Variants in TMEM131L observed in about 807,000 individuals in gnomAD.
TMEM131L encodes transmembrane 131 like, also known as transmembrane protein 131-like.
TMEM131L carries 54 observed loss-of-function variants against 192.2 expected under a neutral mutation model. That is an observed-to-expected ratio of 0.28 (90% confidence interval 0.23 to 0.35). The LOEUF (loss-of-function observed/expected upper bound fraction) is 0.35, where lower values mean the gene tolerates loss of function less well. Among genes scored for constraint, TMEM131L ranks in the 10% least tolerant of loss-of-function variants. The pLI, the probability that TMEM131L is intolerant of heterozygous loss-of-function variation, is 1.00. For missense variants in TMEM131L, 1,888 were observed against 1,972.9 expected (o/e 0.96, Z 0.82); for synonymous variants, 701 against 704.9 (o/e 0.99, Z 0.09).
chr4:153,495,740 G>C (rs1192074130), intron 3 of TMEM131L, among the ~76,000 whole-genome samples: 1 of 152,182 alleles, frequency 6.6e-6, no homozygotes, highest in Non-Finnish European at 1.5e-5. Context: ...TAAAGATCTT[G>C]AGGCCTACAA....
At chr4:153,582,357 A>C in intron 9 of TMEM131L, among the ~76,000 whole-genome samples, 1 of 145,274 alleles carries the variant, frequency 6.9e-6, no homozygotes, top group East Asian at 2.0e-4. Context: ...CGATCCTGCC[A>C]CCTTGGCCTC....
chr4:153,566,512 AGTGTGAGT>A (rs1004751552), intron 7 of TMEM131L, among the ~76,000 whole-genome samples: 4 of 113,490 alleles, frequency 3.5e-5, no homozygotes, highest in African/African-American at 7.7e-5. Flanking sequence ...TTTGTGTGTG[AGTGTGAGT>A]GTGTGTGTGT....
chr4:153,511,528 CTTAG>C lies in TMEM131L; in HGVS notation c.239+37642_239+37645del, dbSNP rs764004772. Among the ~76,000 whole-genome samples the C allele has an allele frequency of 2.6e-5, 4 of 152,122 alleles. No individual in the cohort carries two copies. In the South Asian group the frequency reaches 6.2e-4, roughly 24 times the overall value. On this transcript the variant is annotated intron_variant, in intron 3 of 34. Transcript: ENST00000409959. ...TCAGGAAAAATAACTGAGTACTAAG[CTTAG>C]TAGCTGGGTGATGAAATAATCTGTA...
intron 31 of TMEM131L, among the ~76,000 whole-genome samples, chr4:153,631,488 G>A (rs535202430): frequency 6.7e-4 from 102 of 152,302 alleles, no homozygotes; most frequent in African/African-American, 2.4e-3. Context: ...GCCACACACA[G>A]TGGGTTGTGC....
rs1165154305 is a variant in TMEM131L, at chr4:153,556,023, C to T, written c.432+113C>T. The T allele has an allele frequency of 2.4e-5, 25 of 1,031,260 alleles. No individual in the cohort carries two copies. In the East Asian group the frequency reaches 7.3e-4, roughly 30 times the overall value. The allele number at this position is 1,031,260 out of a possible 1,614,324, so 63.9% of individuals were successfully genotyped here. The stretch of plus-strand genomic sequence containing the variant: ...TCCCTGTCTCCCGCTTTTTCTGGTA[C>T]CCAAACCTTTTCCTTCTGTGTGTTT... On this transcript the variant is annotated intron_variant, in intron 5 of 34. Transcript: ENST00000409959.
chr4:153,524,958 A>G (rs1157254596), intron 3 of TMEM131L, among the ~76,000 whole-genome samples: 6 of 152,196 alleles, frequency 3.9e-5, no homozygotes, highest in Non-Finnish European at 5.9e-5. Flanking sequence ...TGTGGGTTCT[A>G]GGAATGTTCC....
chr4:153,585,998 A>G (rs1730674623), intron 13 of TMEM131L, among the ~76,000 whole-genome samples: 2 of 152,186 alleles, frequency 1.3e-5, no homozygotes, highest in South Asian at 2.1e-4. Flanking sequence ...TGAAATTTCA[A>G]GATTACTTTT....
At chr4:153,554,595 A>G (rs1287154020) in intron 4 of TMEM131L, among the ~76,000 whole-genome samples, 1 of 152,236 alleles carries the variant, frequency 6.6e-6, no homozygotes, top group African/African-American at 2.4e-5. Context: ...GAATTCATTC[A>G]TTATGCTGAT....
chr4:153,537,813 T>C (rs1293576421), intron 3 of TMEM131L, among the ~76,000 whole-genome samples: 1 of 152,110 alleles, frequency 6.6e-6, no homozygotes, highest in East Asian at 1.9e-4. Flanking sequence ...TAAGATGGAG[T>C]TGCTCTGGTT....
rs141738846 is a variant in TMEM131L at position 153,608,883 on chromosome 4, A to G, written c.3419-3369A>G. On this transcript the variant is annotated intron_variant, in intron 25 of 34. Coordinates refer to ENST00000409959, the MANE Select transcript of TMEM131L (RefSeq NM_001131007.2). ...GAATTACTGACCTATAAAGCTGTACATACTTAATGTATGCATCTTGATGAG... is the reference window on the plus strand; with the variant it reads ...GAATTACTGACCTATAAAGCTGTACGTACTTAATGTATGCATCTTGATGAG... Among the ~76,000 whole-genome samples, 53 of 152,310 alleles carry G rather than the reference A, an allele frequency of 3.5e-4. No homozygotes were observed. In the South Asian group the frequency reaches 3.7e-3, roughly 11 times the overall value.
chr4:153,599,057 G>A (rs547459603), intron 21 of TMEM131L, among the ~76,000 whole-genome samples: 11 of 152,162 alleles, frequency 7.2e-5, no homozygotes, highest in African/African-American at 2.7e-4. Flanking sequence ...ATGAACAAGA[G>A]TTTTAATTGG....
intron 3 of TMEM131L, among the ~76,000 whole-genome samples, chr4:153,499,099 C>T (rs1733400322): frequency 6.6e-6 from 1 of 152,208 alleles, no homozygotes; most frequent in Admixed American, 6.5e-5. Flanking sequence ...GTGGCTCATC[C>T]TAGGCACAAC....
chr4:153,556,952 G>GAAAGGTCCC lies in TMEM131L; in HGVS notation c.433-13_433-12insAAGGTCCCA. On this transcript the variant is annotated splice_polypyrimidine_tract_variant and intron_variant, in intron 5 of 34. Transcript: ENST00000409959. ...AGGCCATTCCAAGTGGCTGACTGGGGACCTTTCTTTCAGGTAATTCCAGCA... is the reference window on the plus strand; with the variant it reads ...AGGCCATTCCAAGTGGCTGACTGGGGAAAGGTCCCACCTTTCTTTCAGGTAATTCCAGCA... 7.6e-7 allele frequency: 1 copy of GAAAGGTCCC among 1,313,168 alleles called. No individual in the cohort carries two copies. Among genetic ancestry groups the GAAAGGTCCC allele is most frequent in the South Asian group, 1.2e-5 (1 of 81,764 alleles). The allele number at this position is 1,313,168 out of a possible 1,614,324, so 81.3% of individuals were successfully genotyped here.
Position 153,587,055 on chromosome 4 carries a change from T to G in TMEM131L, c.1482+676T>G, listed in dbSNP as rs578150987. 1.7e-3 allele frequency among the ~76,000 whole-genome samples: 265 copies of G among 151,894 alleles called. 2 individuals are homozygous for G. The highest frequency in any genetic ancestry group is 5.9e-3 in the African/African-American group (245 of 41,410). On this transcript the variant is annotated intron_variant, in intron 14 of 34. Coordinates refer to ENST00000409959, the MANE Select transcript of TMEM131L (RefSeq NM_001131007.2). ...TTTTTCTCACTTATAGTGTGGATCT[T>G]TCATAGTTAGAAATGCCTCATGCTT...
In TMEM131L at chr4:153,581,492, A is replaced by G; in HGVS notation, c.824A>G (p.Glu275Gly). 6.2e-7 allele frequency: 1 copy of G among 1,605,166 alleles called. No homozygotes were observed. Among genetic ancestry groups the G allele is most frequent in the Non-Finnish European group, 8.5e-7 (1 of 1,174,768 alleles). Reference sequence around the variant, plus strand: ...GAAAACTTTTCAAAAGAATTTGAAGAAAACACACAACATTTGTTAGATCAT... The same window carrying G: ...GAAAACTTTTCAAAAGAATTTGAAGGAAACACACAACATTTGTTAGATCAT... The part of the protein sequence containing the change: ...TMENFSKEFE[E>G]NTQHLLDHLS... The change falls in exon 9 of 35, where the codon GAA (glutamate) becomes GGA (glycine). Residue 275 changes from glutamate (E) to glycine (G), a missense_variant. Glu to Gly is a moderately conservative substitution (Grantham distance 98, BLOSUM62 -2). Coordinates refer to ENST00000409959, the MANE Select transcript of TMEM131L (RefSeq NM_001131007.2).
intron 29 of TMEM131L, among the ~76,000 whole-genome samples, chr4:153,625,741 C>A (rs965596677): frequency 3.9e-5 from 6 of 152,082 alleles, no homozygotes; most frequent in African/African-American, 1.4e-4. Context: ...AACCCCATCT[C>A]TACTAAAAAT....
At chr4:153,602,825 A>T in intron 23 of TMEM131L, 98 bp downstream of exon 23, 1 of 1,045,572 alleles carries the variant, frequency 9.6e-7, no homozygotes, top group South Asian at 1.5e-5. Context: ...GTCAAAGTAT[A>T]TGAATTGAGT....
intron 2 of TMEM131L, among the ~76,000 whole-genome samples, chr4:153,467,842 TACTG>T (rs758483464): frequency 3.3e-5 from 5 of 152,186 alleles, no homozygotes; most frequent in African/African-American, 9.7e-5. Context: ...GAAAAATAAT[TACTG>T]ACGTTTTATT....
intron 23 of TMEM131L, among the ~76,000 whole-genome samples, 172 bp from the exon 24 acceptor site, chr4:153,603,131 T>G (rs751307365): frequency 1.6e-4 from 24 of 152,336 alleles, no homozygotes; most frequent in African/African-American, 4.8e-4. Flanking sequence ...TTGGAAACTT[T>G]TGTGTGTGTG....
Sources: gnomAD v4.1 joint callset for allele counts (sites outside exome capture counted in the v4.1 genomes callset) on GRCh38, gnomAD v4.1.1 for gene constraint, MANE v1.5 for transcripts, NCBI Gene and HGNC (gene_info 2026-07-23, HGNC 2026-07-21) for gene names.